The following RGMB variants were observed in gnomAD, a reference collection of about 807,000 sequenced individuals.
The protein encoded by RGMB is repulsive guidance molecule B.
In RGMB, 16 loss-of-function variants were observed where a neutral mutation model predicts 26.9. That is an observed-to-expected ratio of 0.60 (90% CI 0.40 to 0.90). RGMB has a LOEUF of 0.90. RGMB is among the 40% of genes least tolerant of loss of function. The probability of loss-of-function intolerance (pLI) is 0.00; values close to 1 mark genes in which losing one functional copy is unlikely to be tolerated. For missense variants in RGMB, 512 were observed against 573.3 expected (o/e 0.89, Z 1.09); for synonymous variants, 225 against 229.3 (o/e 0.98, Z 0.17).
intron 2 of RGMB, among the ~76,000 whole-genome samples, chr5:98,786,115 G>C (rs1041616501): frequency 6.6e-6 from 1 of 152,148 alleles, no homozygotes; most frequent in Non-Finnish European, 1.5e-5. Flanking sequence ...AAGAAGATTT[G>C]CCTTTGTTTC....
rs1293025178 is a variant in RGMB at position 98,796,167 on chromosome 5, TTAGC to T, written c.*2418_*2421del. ...CTTGCACATGTTGGTTCTTGAAACCTTAGCTAGAAGAATTTCAGGTCATACCAAC... is the reference window on the plus strand; with the variant it reads ...CTTGCACATGTTGGTTCTTGAAACCTTAGAAGAATTTCAGGTCATACCAAC... On this transcript the variant is annotated 3_prime_UTR_variant, in exon 3 of 3. Coordinates refer to ENST00000513185, the MANE Select transcript of RGMB (RefSeq NM_001366508.1). 1 of 152,224 alleles carries T rather than the reference TTAGC, an allele frequency of 6.6e-6. No homozygotes were observed. The highest frequency in any genetic ancestry group is 1.5e-5 in the Non-Finnish European group (1 of 68,028). The allele number at this position is 152,224 out of a possible 1,614,324, so 9.4% of individuals were successfully genotyped here.
Position 98,793,414 on chromosome 5 carries a change from G to C in RGMB, c.975G>C (p.Gly325=), listed in dbSNP as rs376573037. Residue 325 remains glycine (G), a synonymous_variant, in exon 3 of 3, where the codon GGG becomes GGC. Coordinates refer to ENST00000513185, the MANE Select transcript of RGMB (RefSeq NM_001366508.1). ...GCPLSERIDD[G]QGQVSAILGH... is the part of the protein sequence containing the mutation. ...CCCTGAGTGAACGCATCGATGACGG[G>C]CAGGGCCAGGTGTCTGCCATCCTGG... The C allele has an allele frequency of 1.2e-6, 2 of 1,612,346 alleles. No homozygotes were observed. The highest frequency in any genetic ancestry group is 2.7e-5 in the African/African-American group (2 of 74,914).
At chr5:98,789,547 G>A (rs1032374598) in intron 2 of RGMB, among the ~76,000 whole-genome samples, 2 of 151,844 alleles carry the variant, frequency 1.3e-5, no homozygotes, top group African/African-American at 4.8e-5. Flanking sequence ...GCAAACCTTC[G>A]TAAGTTCTTA....
intron 1 of RGMB, among the ~76,000 whole-genome samples, chr5:98,775,490 A>T (rs919655628): frequency 6.6e-6 from 1 of 152,214 alleles, no homozygotes; most frequent in Non-Finnish European, 1.5e-5. Flanking sequence ...ATTTTTCTTG[A>T]CATGTTAAAA....
In RGMB at chr5:98,773,757, G is replaced by A; in HGVS notation, c.-314G>A. The stretch of plus-strand genomic sequence containing the variant: ...CGAGCCCACGCTGGCTGGGGCCGGG[G>A]TGCCGGCGCGCTCGGGACTCGTCTC... On this transcript the variant is annotated 5_prime_UTR_variant, in exon 1 of 3. The change creates a new upstream start codon in the 5' untranslated region. Transcript: ENST00000513185. 1 of 385,158 alleles carries A rather than the reference G, an allele frequency of 2.6e-6. No individual in the cohort carries two copies. Among genetic ancestry groups the A allele is most frequent in the Non-Finnish European group, 4.6e-6 (1 of 217,938 alleles). The allele number at this position is 385,158 out of a possible 1,614,324, so 23.9% of individuals were successfully genotyped here.
Position 98,794,591 on chromosome 5 carries a change from A to G in RGMB, c.*838A>G, listed in dbSNP as rs1310120760. 1.3e-5 allele frequency: 2 copies of G among 152,172 alleles called. No homozygotes were observed. Among genetic ancestry groups the G allele is most frequent in the Non-Finnish European group, 2.9e-5 (2 of 68,034 alleles). The allele number at this position is 152,172 out of a possible 1,614,324, so 9.4% of individuals were successfully genotyped here. A position where few individuals can be genotyped will look rare whatever the true frequency, so the allele number is the denominator to read the frequency against. On this transcript the variant is annotated 3_prime_UTR_variant, in exon 3 of 3. Transcript: ENST00000513185. ...TTTTCCCTCTGACTCTTCTGTGTTA[A>G]AACATGAAACTATAAATTTAGTAAT...
Position 98,785,603 on chromosome 5 carries a change from C to G in RGMB, c.645+5515C>G, listed in dbSNP as rs527629694. Among the ~76,000 whole-genome samples, 36 of 152,302 alleles carry G rather than the reference C, an allele frequency of 2.4e-4. No individual in the cohort carries two copies. In the South Asian group the frequency reaches 7.5e-3, roughly 32 times the overall value. On this transcript the variant is annotated intron_variant, in intron 2 of 2. Transcript: ENST00000513185. ...CCTAGCAGGGCCTAGAACCCTGGCT[C>G]CCACTTTTGAAAGACTGCTGATCTT...
chr5:98,778,476 A>G (rs921765041), intron 1 of RGMB, among the ~76,000 whole-genome samples: 3 of 152,196 alleles, frequency 2.0e-5, no homozygotes, highest in Non-Finnish European at 4.4e-5. Flanking sequence ...TAAAGAGATT[A>G]AGAGACGTCT....
Position 98,773,879 on chromosome 5 carries a change from G to T in RGMB, c.-192G>T. On this transcript the variant is annotated 5_prime_UTR_variant, in exon 1 of 3. Coordinates refer to ENST00000513185, the MANE Select transcript of RGMB (RefSeq NM_001366508.1). ...GCCCCTGCGCCCCGCTGCTGCCGCC[G>T]CGGACTGGCTGCGCCGGCTGCGCGC... The T allele has an allele frequency of 2.0e-6, 1 of 508,010 alleles. No individual in the cohort carries two copies. The allele number at this position is 508,010 out of a possible 1,614,324, so 31.5% of individuals were successfully genotyped here. A position where few individuals can be genotyped will look rare whatever the true frequency, so the allele number is the denominator to read the frequency against.
chr5:98,792,410 G>A (rs1203275812), intron 2 of RGMB, among the ~76,000 whole-genome samples: 1 of 152,120 alleles, frequency 6.6e-6, no homozygotes, highest in Admixed American at 6.5e-5. Context: ...CACTTTGGAA[G>A]CAGACAAGAT....
At chr5:98,789,483 T>G (rs1561445883) in intron 2 of RGMB, among the ~76,000 whole-genome samples, 1 of 152,160 alleles carries the variant, frequency 6.6e-6, no homozygotes, top group Non-Finnish European at 1.5e-5. Context: ...AATATGTTTT[T>G]TTTTTTTCTC....
chr5:98,792,284 T>C (rs1746954803), intron 2 of RGMB, among the ~76,000 whole-genome samples: 1 of 152,204 alleles, frequency 6.6e-6, no homozygotes, highest in Non-Finnish European at 1.5e-5. Context: ...CTATGAAGAA[T>C]CTTGGTAGGA....
chr5:98,770,733 T>G (rs1746133873), upstream of RGMB: 1 of 1,059,462 alleles, frequency 9.4e-7, no homozygotes, highest in African/African-American at 1.7e-5. Context: ...AGTTGTACTT[T>G]CCTTATTTTC....
chr5:98,779,939 T>C lies in RGMB; in HGVS notation c.496T>C (p.Phe166Leu), dbSNP rs745651688. Reference sequence around the variant, plus strand: ...TCCCAGTTACCTTTTTTGTGGCTTGTTTGGAGATCCTCACCTCAGAACTTT... The same window carrying C: ...TCCCAGTTACCTTTTTTGTGGCTTGCTTGGAGATCCTCACCTCAGAACTTT... ...NPPSYLFCGL[F>L]GDPHLRTFKD... The change falls in exon 2 of 3, where the codon TTT becomes CTT. Residue 166 changes from phenylalanine to leucine, a missense_variant. Coordinates refer to ENST00000513185, the MANE Select transcript of RGMB (RefSeq NM_001366508.1). The C allele has an allele frequency of 6.2e-7, 1 of 1,613,060 alleles. No individual in the cohort carries two copies. Among genetic ancestry groups the C allele is most frequent in the Non-Finnish European group, 8.5e-7 (1 of 1,179,492 alleles).
intron 2 of RGMB, among the ~76,000 whole-genome samples, chr5:98,787,756 G>T (rs1403806736): frequency 6.6e-6 from 1 of 152,224 alleles, no homozygotes; most frequent in African/African-American, 2.4e-5. Flanking sequence ...GCCTGTCTCT[G>T]TGGCTATTTA....
chr5:98,786,273 C>T (rs1330625496), intron 2 of RGMB, among the ~76,000 whole-genome samples: 2 of 152,188 alleles, frequency 1.3e-5, no homozygotes, highest in South Asian at 2.1e-4. Flanking sequence ...ATTAACCCAG[C>T]GCCTGTCCCT....
intron 2 of RGMB, chr5:98,792,810 A>G: frequency 7.3e-6 from 2 of 272,400 alleles, no homozygotes; most frequent in Non-Finnish European, 1.4e-5. Context: ...TCTGATAGCA[A>G]CACTGCTCAC....
chr5:98,784,964 C>G (rs370366346), intron 2 of RGMB, among the ~76,000 whole-genome samples: 6 of 152,154 alleles, frequency 3.9e-5, no homozygotes, highest in Non-Finnish European at 8.8e-5. Flanking sequence ...GTAACTAATT[C>G]TTATAATCTG....
chr5:98,787,843 G>A (rs955446681), intron 2 of RGMB, among the ~76,000 whole-genome samples: 1 of 152,172 alleles, frequency 6.6e-6, no homozygotes. Flanking sequence ...TTCCTTTTAT[G>A]TGTCTTCCTG....
Sources: allele counts gnomAD v4.1 joint callset (sites outside exome capture counted in the v4.1 genomes callset), GRCh38; gene constraint gnomAD v4.1.1; transcripts MANE v1.5; gene names NCBI Gene and HGNC (gene_info 2026-07-23, HGNC 2026-07-21).